NRXN3: variants seen among roughly 807,000 people sequenced by gnomAD.
NRXN3 encodes the protein neurexin 3.
Under a neutral mutation model 137.6 loss-of-function variants are expected in NRXN3, and 32 were observed. That is an observed-to-expected ratio of 0.23 (90% CI 0.18 to 0.31). The LOEUF (loss-of-function observed/expected upper bound fraction) is 0.31. Among genes scored for constraint, NRXN3 ranks in the 10% least tolerant of loss-of-function variants. The probability of loss-of-function intolerance (pLI) is 1.00; values close to 1 mark genes in which losing one functional copy is unlikely to be tolerated. For synonymous variants in NRXN3, 798 were observed against 784.5 expected (o/e 1.02, Z -0.29); for missense variants, 1,574 against 2,062.5 (o/e 0.76, Z 4.59).
chr14:79,700,293 G>T (rs1336540314), intron 19 of NRXN3, among the ~76,000 whole-genome samples: 1 of 151,978 alleles, frequency 6.6e-6, no homozygotes. Flanking sequence ...ATAAAGTTCT[G>T]ATCTCTGGGA....
At chr14:79,852,694 C>A (rs931481300) in intron 20 of NRXN3, among the ~76,000 whole-genome samples, 1 of 151,986 alleles carries the variant, frequency 6.6e-6, no homozygotes, top group African/African-American at 2.4e-5. Context: ...GGGGAATTAA[C>A]CAGCCAAAAA....
chr14:79,349,952 G>A (rs966534202), intron 15 of NRXN3, among the ~76,000 whole-genome samples: 1 of 152,146 alleles, frequency 6.6e-6, no homozygotes, highest in African/African-American at 2.4e-5. Flanking sequence ...GAACTGGGTG[G>A]CAATAAGTTT....
intron 16 of NRXN3, among the ~76,000 whole-genome samples, chr14:79,639,505 G>A (rs966829711): frequency 5.3e-5 from 8 of 150,668 alleles, no homozygotes; most frequent in African/African-American, 2.0e-4. Flanking sequence ...GTTTAAATAT[G>A]TGTCCTGATT....
chr14:78,393,697 A>G (rs1336067079), intron 4 of NRXN3, among the ~76,000 whole-genome samples: 1 of 152,016 alleles, frequency 6.6e-6, no homozygotes, highest in East Asian at 1.9e-4. Context: ...CTGTATATCA[A>G]TTTGAGAGAA....
At chr14:79,649,471 A>T (rs758739264) in intron 16 of NRXN3, among the ~76,000 whole-genome samples, 1 of 152,178 alleles carries the variant, frequency 6.6e-6, no homozygotes, top group African/African-American at 2.4e-5. Context: ...AAATTTTGCC[A>T]TTATCAAGGA....
chr14:78,606,546 A>T (rs1246745243), intron 4 of NRXN3, among the ~76,000 whole-genome samples: 2 of 152,206 alleles, frequency 1.3e-5, no homozygotes, highest in Admixed American at 1.3e-4. Flanking sequence ...ATAAACACTT[A>T]CGGTCTCTCC....
chr14:78,574,787 G>A (rs1405269068), intron 4 of NRXN3, among the ~76,000 whole-genome samples: 1 of 152,174 alleles, frequency 6.6e-6, no homozygotes, highest in African/African-American at 2.4e-5. Context: ...AGACTTTGGA[G>A]GACTGTGGGA....
rs548791435 is a variant in NRXN3, at chr14:78,869,412, C to T, written c.2275+59068C>T. Among the ~76,000 whole-genome samples, 356 of 152,176 alleles carry T rather than the reference C, an allele frequency of 2.3e-3. 2 individuals are homozygous for T. The highest frequency in any genetic ancestry group is 4.2e-3 in the Non-Finnish European group (287 of 68,016). On this transcript the variant is annotated intron_variant, in intron 10 of 20. Transcript: ENST00000335750. Reference sequence around the variant, plus strand: ...TTTAAAACCTTAAATCTAATCACATCTCCCACTTGCTTGAAACCATTCAAA... The same window carrying T: ...TTTAAAACCTTAAATCTAATCACATTTCCCACTTGCTTGAAACCATTCAAA...
intron 17 of NRXN3, among the ~76,000 whole-genome samples, chr14:79,683,700 A>G (rs1435347548): frequency 6.6e-6 from 1 of 152,138 alleles, no homozygotes; most frequent in Admixed American, 6.6e-5. Context: ...TCTCAGTGCT[A>G]TCTAGACCTG....
chr14:79,050,236 G>T (rs2099639932), intron 15 of NRXN3, among the ~76,000 whole-genome samples: 1 of 151,988 alleles, frequency 6.6e-6, no homozygotes, highest in South Asian at 2.1e-4. Context: ...TACTGCGGTT[G>T]GACTCTTCAT....
intron 15 of NRXN3, among the ~76,000 whole-genome samples, chr14:79,301,744 T>C (rs1331358653): frequency 6.6e-6 from 1 of 151,254 alleles, no homozygotes; most frequent in Non-Finnish European, 1.5e-5. Flanking sequence ...TGTGTGTGTG[T>C]GTGCGCGCGC....
intron 15 of NRXN3, among the ~76,000 whole-genome samples, chr14:79,278,894 G>C (rs914347164): frequency 6.6e-6 from 1 of 152,238 alleles, no homozygotes; most frequent in East Asian, 1.9e-4. Flanking sequence ...CCGCCAGGCA[G>C]GGAGGAGCGC....
intron 4 of NRXN3, among the ~76,000 whole-genome samples, chr14:78,550,221 G>A (rs1408549524): frequency 1.3e-5 from 2 of 151,900 alleles, no homozygotes; most frequent in Non-Finnish European, 2.9e-5. Flanking sequence ...TTTTTGTAGC[G>A]ACAGGGATTC....
In NRXN3 at chr14:79,865,480, A is replaced by C. The variant is rs1001395385; in HGVS notation, c.*3516A>C. 1 of 152,222 alleles carries C rather than the reference A, an allele frequency of 6.6e-6. No homozygotes were observed. Among genetic ancestry groups the C allele is most frequent in the African/African-American group, 2.4e-5 (1 of 41,464 alleles). 9.4% of individuals were successfully genotyped at this position (152,222 alleles called of 1,614,324 possible). A position where few individuals can be genotyped will look rare whatever the true frequency, so the allele number is the denominator to read the frequency against. On this transcript the variant is annotated 3_prime_UTR_variant, in exon 21 of 21. Coordinates refer to ENST00000335750, the MANE Select transcript of NRXN3 (RefSeq NM_001330195.2). ...TTTTCAAAGAGTTAGAATTTTAAAAATATATATTTAGTTAAGCCTGTGCCT... is the reference window on the plus strand; with the variant it reads ...TTTTCAAAGAGTTAGAATTTTAAAACTATATATTTAGTTAAGCCTGTGCCT...
At chr14:78,531,303 A>G (rs2096458447) in intron 4 of NRXN3, among the ~76,000 whole-genome samples, 1 of 152,156 alleles carries the variant, frequency 6.6e-6, no homozygotes. Flanking sequence ...TGAGAGAGTG[A>G]AGTTTTCTTC....
chr14:79,525,558 C>G (rs1364695088), intron 16 of NRXN3, among the ~76,000 whole-genome samples: 6 of 152,332 alleles, frequency 3.9e-5, no homozygotes, highest in East Asian at 3.9e-4. Context: ...CTATTCCCCA[C>G]AAATGAATCA....
intron 4 of NRXN3, among the ~76,000 whole-genome samples, chr14:78,343,185 C>T (rs2082329544): frequency 6.6e-6 from 1 of 152,138 alleles, no homozygotes; most frequent in Non-Finnish European, 1.5e-5. Context: ...ATCAACACAA[C>T]CAAGTTGAAT....
chr14:79,171,983 C>A (rs1010878986), intron 15 of NRXN3, among the ~76,000 whole-genome samples: 1 of 151,918 alleles, frequency 6.6e-6, no homozygotes, highest in Non-Finnish European at 1.5e-5. Context: ...TATCTTGCAA[C>A]AGTACTAAAA....
intron 15 of NRXN3, among the ~76,000 whole-genome samples, chr14:79,440,137 G>A (rs905752528): frequency 1.3e-5 from 2 of 152,188 alleles, no homozygotes; most frequent in African/African-American, 4.8e-5. Context: ...GATGGTTTTA[G>A]CATTTACCCT....
Sources: allele counts gnomAD v4.1 joint callset (sites outside exome capture counted in the v4.1 genomes callset), GRCh38; gene constraint gnomAD v4.1.1; transcripts MANE v1.5; gene names NCBI Gene and HGNC (gene_info 2026-07-23, HGNC 2026-07-21).